NRG3: variants seen among roughly 807,000 people sequenced by gnomAD.
NRG3 encodes the protein neuregulin 3, also known as pro-neuregulin-3, membrane-bound isoform.
A neutral mutation model predicts 66.9 loss-of-function variants in NRG3; 31 were observed. The observed-to-expected ratio is 0.46, with a 90% CI of 0.35 to 0.63. The LOEUF (loss-of-function observed/expected upper bound fraction) is 0.63. Among genes scored for constraint, NRG3 ranks in the 20% least tolerant of loss-of-function variants. The probability of loss-of-function intolerance (pLI) is 0.00; values close to 1 mark genes in which losing one functional copy is unlikely to be tolerated. For missense variants in NRG3, 910 were observed against 878.9 expected (o/e 1.04, Z -0.45); for synonymous variants, 393 against 359.4 (o/e 1.09, Z -1.06).
chr10:82,707,018 A>AAT (rs10682579), intron 2 of NRG3, among the ~76,000 whole-genome samples: 8,477 of 141,130 alleles, frequency 0.06, 497 homozygotes, highest in African/African-American at 0.16. Flanking sequence ...AAATAAAATA[A>AAT]ATATATATAT....
intron 1 of NRG3, among the ~76,000 whole-genome samples, chr10:82,171,871 A>G (rs1262328218): frequency 3.3e-5 from 5 of 152,218 alleles, no homozygotes; most frequent in African/African-American, 1.2e-4. Flanking sequence ...ACTGCTTCCT[A>G]TATCTTATAA....
At chr10:82,384,198 C>A (rs994110811) in intron 2 of NRG3, among the ~76,000 whole-genome samples, 2 of 151,908 alleles carry the variant, frequency 1.3e-5, no homozygotes, top group African/African-American at 2.4e-5. Flanking sequence ...TGAAAAATGT[C>A]TTTAAGTTGT....
intron 3 of NRG3, among the ~76,000 whole-genome samples, chr10:82,846,958 T>G (rs1322174976): frequency 6.6e-6 from 1 of 152,142 alleles, no homozygotes; most frequent in Non-Finnish European, 1.5e-5. Context: ...TTGAGTAAAT[T>G]GTGGGTTTTG....
At chr10:82,213,012 G>A (rs1414767) in intron 1 of NRG3, among the ~76,000 whole-genome samples, 57,704 of 151,908 alleles carry the variant, frequency 0.38, 13,439 homozygotes, top group Non-Finnish European at 0.51. Flanking sequence ...CCCTACTTTC[G>A]GTTCCCAGGA....
At chr10:82,668,707 C>T (rs1248712644) in intron 2 of NRG3, among the ~76,000 whole-genome samples, 1 of 152,132 alleles carries the variant, frequency 6.6e-6, no homozygotes, top group African/African-American at 2.4e-5. Flanking sequence ...GCTGTTGCGT[C>T]CACTGAATAA....
At chr10:82,403,397 A>G (rs1458937808) in intron 2 of NRG3, among the ~76,000 whole-genome samples, 1 of 152,168 alleles carries the variant, frequency 6.6e-6, no homozygotes, top group Non-Finnish European at 1.5e-5. Flanking sequence ...AATTATTTGC[A>G]AGATTCATTA....
intron 1 of NRG3, chr10:82,166,906 G>T: frequency 1.9e-6 from 1 of 535,952 alleles, no homozygotes; most frequent in Non-Finnish European, 3.4e-6. Flanking sequence ...TTCCCTCCTT[G>T]GTATTTTAAA....
At chr10:82,604,974 G>C (rs1346471856) in intron 2 of NRG3, among the ~76,000 whole-genome samples, 1 of 151,998 alleles carries the variant, frequency 6.6e-6, no homozygotes, top group Non-Finnish European at 1.5e-5. Flanking sequence ...GTTCTTTACT[G>C]AATCATGTCA....
chr10:81,975,351 A>G (rs560328240), intron 1 of NRG3, among the ~76,000 whole-genome samples: 7 of 151,862 alleles, frequency 4.6e-5, no homozygotes, highest in South Asian at 2.1e-4. Flanking sequence ...CTATCTATCT[A>G]TCTATCTATC....
At chr10:82,380,996 G>A (rs2085579604) in intron 2 of NRG3, among the ~76,000 whole-genome samples, 1 of 152,078 alleles carries the variant, frequency 6.6e-6, no homozygotes, top group Non-Finnish European at 1.5e-5. Flanking sequence ...AACCACAGAG[G>A]TATAATATTA....
At position 81,880,376 on chromosome 10, in the gene NRG3, G is replaced by A. The variant is rs1469063454; in HGVS notation, c.823+4213G>A. Among the ~76,000 whole-genome samples the A allele has an allele frequency of 2.0e-5, 3 of 151,924 alleles. No individual in the cohort carries two copies. The South Asian group carries it at 6.2e-4, about 32-fold the overall frequency. The stretch of plus-strand genomic sequence containing the variant: ...TGTGAATCCAGCTACAGTTATATTT[G>A]TGCTATTTTCAAAACCTGACCAAAA... On this transcript the variant is annotated intron_variant, in intron 1 of 8. Coordinates refer to ENST00000372141, the MANE Select transcript of NRG3 (RefSeq NM_001010848.4).
At chr10:82,330,566 T>C (rs755406270) in intron 1 of NRG3, among the ~76,000 whole-genome samples, 1 of 152,192 alleles carries the variant, frequency 6.6e-6, no homozygotes, top group Non-Finnish European at 1.5e-5. Flanking sequence ...GCAATACAGA[T>C]ATTTGAACAA....
intron 3 of NRG3, among the ~76,000 whole-genome samples, chr10:82,843,890 C>T (rs769036388): frequency 2.0e-5 from 3 of 152,174 alleles, no homozygotes; most frequent in Non-Finnish European, 2.9e-5. Flanking sequence ...GATATCCAGC[C>T]GTTAACCAAT....
chr10:82,076,326 G>A lies in NRG3; in HGVS notation c.823+200163G>A, dbSNP rs140820087. On this transcript the variant is annotated intron_variant, in intron 1 of 8. Transcript: ENST00000372141. ...ACAGAGAAAGATCTTGTCCTCAGTC[G>A]TCCAGCTCTGATTATATCTACCTTT... 4.8e-3 allele frequency among the ~76,000 whole-genome samples: 732 copies of A among 152,208 alleles called. 4 individuals carry two copies. Among genetic ancestry groups the A allele is most frequent in the African/African-American group, 0.014 (602 of 41,538 alleles).
intron 1 of NRG3, among the ~76,000 whole-genome samples, chr10:82,290,065 T>TAAC (rs1181190513): frequency 6.6e-6 from 1 of 152,234 alleles, no homozygotes; most frequent in African/African-American, 2.4e-5. Context: ...TTAATCTCTC[T>TAAC]AACTACAAAC....
At chr10:82,722,488 CATT>C (rs1049562620) in intron 2 of NRG3, among the ~76,000 whole-genome samples, 64 of 152,182 alleles carry the variant, frequency 4.2e-4, no homozygotes, top group African/African-American at 1.5e-3. Context: ...ATTGCATCAT[CATT>C]AAGTGTATTT....
At chr10:82,396,929 C>T (rs559941647) in intron 2 of NRG3, among the ~76,000 whole-genome samples, 13 of 152,274 alleles carry the variant, frequency 8.5e-5, no homozygotes, top group Admixed American at 3.9e-4. Context: ...CCCTTAGAAT[C>T]TGTTATCAAC....
intron 1 of NRG3, among the ~76,000 whole-genome samples, chr10:81,892,449 C>T (rs1843109223): frequency 6.6e-6 from 1 of 152,206 alleles, no homozygotes; most frequent in East Asian, 1.9e-4. Context: ...AAATGGAACT[C>T]TTACTTGCTG....
intron 1 of NRG3, among the ~76,000 whole-genome samples, chr10:82,207,655 A>G (rs1210880494): frequency 6.6e-6 from 1 of 152,166 alleles, no homozygotes; most frequent in Non-Finnish European, 1.5e-5. Context: ...TTGACTCACA[A>G]TTCCACATGG....
Sources: gnomAD v4.1 joint callset for allele counts (sites outside exome capture counted in the v4.1 genomes callset) on GRCh38, gnomAD v4.1.1 for gene constraint, MANE v1.5 for transcripts, NCBI Gene and HGNC (gene_info 2026-07-23, HGNC 2026-07-21) for gene names.